The following LIPC variants were observed in gnomAD, a reference collection of about 807,000 sequenced individuals.
The protein encoded by LIPC is hepatic triacylglycerol lipase.
LIPC carries 44 observed loss-of-function variants against 50.7 expected under a neutral mutation model. The ratio of observed to expected loss-of-function variants is 0.87; its 90% CI spans 0.68 to 1.11. The LOEUF is 1.11. Ranked by LOEUF, LIPC falls within the 50% of genes most tolerant of loss-of-function variation. The pLI is 0.00. For missense variants in LIPC, 697 were observed against 648.2 expected, an observed-to-expected ratio of 1.08 and a Z score of -0.82; for synonymous variants, 271 against 256.4, an observed-to-expected ratio of 1.06 and a Z score of -0.54.
chr15:58,482,877 A>T (rs1361276583), intron 1 of LIPC, among the ~76,000 whole-genome samples: 1 of 152,176 alleles, frequency 6.6e-6, no homozygotes, highest in Non-Finnish European at 1.5e-5. Context: ...CTCTGCCATT[A>T]ACTGAGCCTC....
chr15:58,497,694 C>T (rs1276729132), intron 1 of LIPC: 2 of 152,422 alleles, frequency 1.3e-5, no homozygotes, highest in African/African-American at 2.4e-5. Context: ...ATGCTCTCCC[C>T]ACTCTATTCC....
chr15:58,468,038 A>T (rs1243304902), intron 1 of LIPC, among the ~76,000 whole-genome samples: 1 of 152,210 alleles, frequency 6.6e-6, no homozygotes, highest in Non-Finnish European at 1.5e-5. Flanking sequence ...GAGAAGATTA[A>T]TGGGAATGAT....
rs755044244 is a variant in LIPC, at chr15:58,563,550, G to A, written c.1215G>A (p.Thr405=). ...ATAAAACGTATTCCTTTCTTATCAC[G>A]CTGGATGTGGATATCGGCGAGCTGA... ...ASNKTYSFLI[T]LDVDIGELIM... The change falls in exon 8 of 9, where the codon ACG becomes ACA. Residue 405 remains threonine (T), a synonymous_variant. Coordinates refer to ENST00000299022, the MANE Select transcript of LIPC (RefSeq NM_000236.3). The A allele has an allele frequency of 9.3e-6, 15 of 1,614,040 alleles. No homozygotes were observed. The highest frequency in any genetic ancestry group is 6.7e-5 in the East Asian group (3 of 44,898).
chr15:58,458,491 C>T (rs1894218617), intron 1 of LIPC, among the ~76,000 whole-genome samples: 1 of 152,168 alleles, frequency 6.6e-6, no homozygotes, highest in South Asian at 2.1e-4. Flanking sequence ...CAGCTCTTTC[C>T]TCCAAGTCAA....
chr15:58,517,724 A>T (rs1464078552), intron 1 of LIPC, among the ~76,000 whole-genome samples: 1 of 152,210 alleles, frequency 6.6e-6, no homozygotes, highest in African/African-American at 2.4e-5. Context: ...AGACACAAAA[A>T]CACCCATATA....
At chr15:58,453,381 G>T (rs1037962199) in intron 1 of LIPC, among the ~76,000 whole-genome samples, 1 of 151,984 alleles carries the variant, frequency 6.6e-6, no homozygotes, top group Non-Finnish European at 1.5e-5. Context: ...CCCTCATTCC[G>T]CATTCTCGGT....
chr15:58,521,309 A>G (rs1185239633), intron 1 of LIPC: 2 of 152,220 alleles, frequency 1.3e-5, no homozygotes, highest in African/African-American at 2.4e-5. Flanking sequence ...ACAGATGCAT[A>G]AGACACGTAC....
intron 1 of LIPC, chr15:58,521,610 A>T (rs1172823137): frequency 1.3e-5 from 2 of 152,246 alleles, no homozygotes; most frequent in African/African-American, 4.8e-5. Flanking sequence ...CTGGAAGCGG[A>T]TCCTCCCAGG....
At chr15:58,494,878 G>C (rs1311813826) in intron 1 of LIPC, 4 of 455,828 alleles carry the variant, frequency 8.8e-6, no homozygotes, top group Admixed American at 4.7e-5. Flanking sequence ...AGCAACCCTG[G>C]TTTTTCTGTT....
At chr15:58,497,230 G>T (rs1326625787) in intron 1 of LIPC, among the ~76,000 whole-genome samples, 1 of 152,066 alleles carries the variant, frequency 6.6e-6, no homozygotes, top group African/African-American at 2.4e-5. Context: ...CTTCACCCCC[G>T]ACCGAATGAC....
chr15:58,517,566 G>A (rs1413009714), intron 1 of LIPC, among the ~76,000 whole-genome samples: 1 of 152,178 alleles, frequency 6.6e-6, no homozygotes, highest in African/African-American at 2.4e-5. Context: ...GAGAATTGCA[G>A]GGATGTTTGA....
intron 1 of LIPC, among the ~76,000 whole-genome samples, chr15:58,461,136 C>A (rs938049637): frequency 1.3e-5 from 2 of 152,164 alleles, no homozygotes; most frequent in African/African-American, 4.8e-5. Context: ...TAACAAGACC[C>A]AGGAAACACT....
chr15:58,440,710 G>C (rs773229019), intron 1 of LIPC, among the ~76,000 whole-genome samples: 1 of 152,188 alleles, frequency 6.6e-6, no homozygotes, highest in Non-Finnish European at 1.5e-5. Flanking sequence ...AATGTTACAA[G>C]AGCCCTGAGG....
intron 1 of LIPC, among the ~76,000 whole-genome samples, chr15:58,529,268 G>A (rs1451849403): frequency 6.6e-6 from 1 of 152,348 alleles, no homozygotes; most frequent in Non-Finnish European, 1.5e-5. Flanking sequence ...TGAAGGGCCT[G>A]TGATTGTCCA....
rs1335986074 is a variant in LIPC at position 58,564,136 on chromosome 15, T to C, written c.1388+413T>C. 5 of 168,390 alleles carry C rather than the reference T, an allele frequency of 3.0e-5. No homozygotes were observed. The East Asian group carries it at 4.9e-4, about 17-fold the overall frequency. The allele number at this position is 168,390 out of a possible 1,614,324, so 10.4% of individuals were successfully genotyped here. ...GAAAATCTTTTAACAGATCACAATATCAAAAATCTCGATGTATCTCTCTCT... is the reference window on the plus strand; with the variant it reads ...GAAAATCTTTTAACAGATCACAATACCAAAAATCTCGATGTATCTCTCTCT... On this transcript the variant is annotated intron_variant, in intron 8 of 8. Coordinates refer to ENST00000299022, the MANE Select transcript of LIPC (RefSeq NM_000236.3).
At chr15:58,480,205 C>T (rs533144614) in intron 1 of LIPC, among the ~76,000 whole-genome samples, 2 of 152,290 alleles carry the variant, frequency 1.3e-5, no homozygotes, top group South Asian at 2.1e-4. Flanking sequence ...AGAAACCTTC[C>T]CAAGACCACA....
intron 1 of LIPC, among the ~76,000 whole-genome samples, chr15:58,450,558 TG>T (rs1402969839): frequency 2.0e-5 from 3 of 152,232 alleles, no homozygotes; most frequent in Non-Finnish European, 2.9e-5. Flanking sequence ...TAAATCTTTT[TG>T]TAGGAAATCG....
chr15:58,515,913 G>A (rs1312825298), intron 1 of LIPC, among the ~76,000 whole-genome samples: 1 of 152,138 alleles, frequency 6.6e-6, no homozygotes, highest in Admixed American at 6.5e-5. Flanking sequence ...TCTCTTCTTA[G>A]TGTCACTGTG....
At chr15:58,523,781 G>A (rs1476700057) in intron 1 of LIPC, among the ~76,000 whole-genome samples, 1 of 151,964 alleles carries the variant, frequency 6.6e-6, no homozygotes, top group South Asian at 2.1e-4. Flanking sequence ...AAATAAATTA[G>A]CTAGTGGAGC....
Sources: allele counts gnomAD v4.1 joint callset (sites outside exome capture counted in the v4.1 genomes callset), GRCh38; gene constraint gnomAD v4.1.1; transcripts MANE v1.5; gene names NCBI Gene and HGNC (gene_info 2026-07-23, HGNC 2026-07-21).